The following TRUB2 variants were observed in gnomAD, a reference collection of about 807,000 sequenced individuals.
TRUB2 encodes TruB pseudouridine synthase family member 2, also known as pseudouridylate synthase TRUB2, mitochondrial.
Under a neutral mutation model 31.9 loss-of-function variants are expected in TRUB2, and 31 were observed. The observed-to-expected ratio is 0.97, with a 90% CI of 0.73 to 1.31. TRUB2 has a LOEUF of 1.31. Ranked by LOEUF, TRUB2 falls within the 50% of genes most tolerant of loss-of-function variation. The probability of loss-of-function intolerance (pLI) is 0.00; values close to 1 mark genes in which losing one functional copy is unlikely to be tolerated. For synonymous variants in TRUB2, 201 were observed against 182.6 expected (o/e 1.10, Z -0.81); for missense variants, 451 against 439.6 (o/e 1.03, Z -0.23).
Position 128,322,369 on chromosome 9 carries a change from C to G in TRUB2, c.40G>C (p.Ala14Pro). ...TTTAGCCCCGGGGGCTTATAGACCG[C>G]GAAAAGCCCATGCAGCCGCGACAAG... ...AGLSRLHGLF[A>P]VYKPPGLKWK... The change falls in exon 1 of 8, where the codon GCG becomes CCG. Residue 14 changes from alanine (A) to proline (P), a missense_variant. By Grantham distance (27) the Ala-to-Pro change is conservative (BLOSUM62 -1). Coordinates refer to ENST00000372890, the MANE Select transcript of TRUB2 (RefSeq NM_015679.3). 1 of 1,614,082 alleles carries G rather than the reference C, an allele frequency of 6.2e-7. No homozygotes were observed. The highest frequency in any genetic ancestry group is 8.5e-7 in the Non-Finnish European group (1 of 1,180,032).
chr9:128,322,419 C>G lies in TRUB2; in HGVS notation c.-11G>C. ...GCCAGCAGACCCCATACTTGAAGAT[C>G]ACAGCACCCGCTGGACCTGGACGGA... On this transcript the variant is annotated 5_prime_UTR_variant, in exon 1 of 8. Coordinates refer to ENST00000372890, the MANE Select transcript of TRUB2 (RefSeq NM_015679.3). 4 of 1,613,976 alleles carry G rather than the reference C, an allele frequency of 2.5e-6. No individual in the cohort carries two copies. Among genetic ancestry groups the G allele is most frequent in the Middle Eastern group, 1.7e-4 (1 of 6,054 alleles).
chr9:128,316,011 G>A (rs369983697), intron 3 of TRUB2: 17 of 220,818 alleles, frequency 7.7e-5, no homozygotes, highest in African/African-American at 3.3e-4. Context: ...TAAAATGGGG[G>A]TAAAAATACT....
intron 7 of TRUB2, 138 bp downstream of exon 7, chr9:128,310,749 C>T: frequency 8.2e-7 from 1 of 1,223,030 alleles, no homozygotes; most frequent in Non-Finnish European, 1.1e-6. Flanking sequence ...CACCTGATGC[C>T]TTGGCCCGCA....
chr9:128,314,619 C>G (rs1202030582), intron 4 of TRUB2, among the ~76,000 whole-genome samples: 1 of 152,078 alleles, frequency 6.6e-6, no homozygotes, highest in Admixed American at 6.6e-5. Context: ...TTAGTAGAGA[C>G]AGGTTTTCAC....
chr9:128,311,014 G>A lies in TRUB2; in HGVS notation c.543C>T (p.Asn181=), dbSNP rs878954992. The change falls in exon 7 of 8, where the codon AAC becomes AAT. Residue 181 remains asparagine (N), a synonymous_variant. Coordinates refer to ENST00000372890, the MANE Select transcript of TRUB2 (RefSeq NM_015679.3). ...SHQKALVMYS[N]LDLKTQEAYE... The stretch of plus-strand genomic sequence containing the variant: ...AGGCCTCCTGGGTCTTCAGGTCGAG[G>A]TTGGAGTACCTGCAGATCAGGAAGG... The A allele has an allele frequency of 3.1e-6, 5 of 1,613,938 alleles. No homozygotes were observed. Among genetic ancestry groups the A allele is most frequent in the Non-Finnish European group, 4.2e-6 (5 of 1,179,916 alleles).
chr9:128,318,295 G>A (rs1832101388), intron 2 of TRUB2, among the ~76,000 whole-genome samples: 1 of 152,052 alleles, frequency 6.6e-6, no homozygotes, highest in Non-Finnish European at 1.5e-5. Flanking sequence ...AGTGAGCTGA[G>A]ATCACACCAC....
intron 1 of TRUB2, among the ~76,000 whole-genome samples, chr9:128,322,063 G>A (rs1451216298): frequency 1.3e-5 from 2 of 152,202 alleles, no homozygotes; most frequent in African/African-American, 4.8e-5. Context: ...GAAACAGGCG[G>A]ATTCAAACAG....
chr9:128,314,000 T>C, intron 4 of TRUB2, 111 bp from the exon 5 acceptor site: 2 of 911,562 alleles, frequency 2.2e-6, no homozygotes, highest in Non-Finnish European at 1.7e-6. Context: ...AGGAAGCTCA[T>C]GTGCCCAGCC....
chr9:128,311,642 G>A, intron 5 of TRUB2, 41 bp from the exon 6 acceptor site: 1 of 1,607,334 alleles, frequency 6.2e-7, no homozygotes, highest in South Asian at 1.1e-5. Context: ...GGTACCTGCT[G>A]AGTATTGGTC....
rs767234953 is a variant in TRUB2 at position 128,322,365 on chromosome 9, A to G, written c.44T>C (p.Val15Ala). The stretch of plus-strand genomic sequence containing the variant: ...CCATTTTAGCCCCGGGGGCTTATAG[A>G]CCGCGAAAAGCCCATGCAGCCGCGA... ...GLSRLHGLFA[V>A]YKPPGLKWKH... The change falls in exon 1 of 8, where the codon GTC (valine) becomes GCC (alanine). Residue 15 changes from valine (V) to alanine (A), a missense_variant. Physicochemically the swap from Val to Ala is moderately conservative, Grantham distance 64. Transcript: ENST00000372890. 2.5e-6 allele frequency: 4 copies of G among 1,614,076 alleles called. No individual in the cohort carries two copies. The highest frequency in any genetic ancestry group is 3.4e-6 in the Non-Finnish European group (4 of 1,180,014).
rs1199097274 is a variant in TRUB2, at chr9:128,306,598, C to T, written c.*2952G>A. 1 of 151,898 alleles carries T rather than the reference C, an allele frequency of 6.6e-6. No individual in the cohort carries two copies. The highest frequency in any genetic ancestry group is 1.9e-4 in the East Asian group (1 of 5,174). The allele number at this position is 151,898 out of a possible 1,614,324, so 9.4% of individuals were successfully genotyped here. A position where few individuals can be genotyped will look rare whatever the true frequency, so the allele number is the denominator to read the frequency against. On this transcript the variant is annotated 3_prime_UTR_variant, in exon 8 of 8. Transcript: ENST00000372890. ...AGGACTACAGGCACGTGCAAGCACG[C>T]CCGGCTAATTTTGTATTTTTAGTAG... is the stretch of plus-strand genomic sequence containing the variant.
chr9:128,313,719 G>C (rs1328687232), intron 5 of TRUB2, 89 bp downstream of exon 5: 5 of 1,191,262 alleles, frequency 4.2e-6, no homozygotes, highest in Non-Finnish European at 6.2e-6. Flanking sequence ...CAGTGGAACT[G>C]AGAAGGGGCC....
At chr9:128,313,535 C>CAAAAAAAAAAA (rs563876862) in intron 5 of TRUB2, among the ~76,000 whole-genome samples, 6 of 79,182 alleles carry the variant, frequency 7.6e-5, no homozygotes, top group South Asian at 4.2e-4. Flanking sequence ...GACTCCGTCT[C>CAAAAAAAAAAA]AAAAAAAAAA....
At chr9:128,311,743 G>T in intron 5 of TRUB2, 142 bp from the exon 6 acceptor site, 1 of 787,132 alleles carries the variant, frequency 1.3e-6, no homozygotes, top group Non-Finnish European at 2.1e-6. Context: ...GTGGTTGGGA[G>T]TCCTTTGAGA....
chr9:128,322,430 C>G lies in TRUB2; in HGVS notation c.-22G>C. ...CCATACTTGAAGATCACAGCACCCG[C>G]TGGACCTGGACGGAAGTACCGCCAG... is the stretch of plus-strand genomic sequence containing the variant. On this transcript the variant is annotated 5_prime_UTR_variant, in exon 1 of 8. Transcript: ENST00000372890. 1 of 1,612,740 alleles carries G rather than the reference C, an allele frequency of 6.2e-7. No homozygotes were observed. The highest frequency in any genetic ancestry group is 8.5e-7 in the Non-Finnish European group (1 of 1,178,914).
intron 2 of TRUB2, 99 bp from the exon 3 acceptor site, chr9:128,317,325 A>G: frequency 1.9e-6 from 2 of 1,046,754 alleles, no homozygotes; most frequent in Non-Finnish European, 2.9e-6. Flanking sequence ...GGCCTCATGG[A>G]GCCCAAACTA....
In TRUB2 at chr9:128,314,209, G is replaced by T. The variant is rs1323090879; in HGVS notation, c.379-320C>A. ...CAGCAGGCTTCCTACAAGACTGCTG[G>T]CTGGTTTCCATGACAACCAGCACTG... On this transcript the variant is annotated intron_variant, in intron 4 of 7. Coordinates refer to ENST00000372890, the MANE Select transcript of TRUB2 (RefSeq NM_015679.3). Among the ~76,000 whole-genome samples the T allele has an allele frequency of 2.0e-5, 3 of 152,184 alleles. No individual in the cohort carries two copies. The East Asian group carries it at 5.8e-4, about 29-fold the overall frequency.
chr9:128,314,567 G>A (rs1347590130), intron 4 of TRUB2, among the ~76,000 whole-genome samples: 4 of 151,894 alleles, frequency 2.6e-5, no homozygotes, highest in South Asian at 4.2e-4. Flanking sequence ...GTAGCTGGGA[G>A]GACAGGCATG....
At position 128,307,636 on chromosome 9, in the gene TRUB2, C is replaced by T. The variant is rs1478623918; in HGVS notation, c.*1914G>A. 6.6e-6 allele frequency: 1 copy of T among 151,892 alleles called. No homozygotes were observed. The highest frequency in any genetic ancestry group is 1.5e-5 in the Non-Finnish European group (1 of 68,002). 9.4% of individuals were successfully genotyped at this position (151,892 alleles called of 1,614,324 possible). A position where few individuals can be genotyped will look rare whatever the true frequency, so the allele number is the denominator to read the frequency against. ...ATCCCAGCAACTCTGGAGACTAAGG[C>T]AGGAAGAATCGCTTGACCCAGGAGG... is the stretch of plus-strand genomic sequence containing the variant. On this transcript the variant is annotated 3_prime_UTR_variant, in exon 8 of 8. Transcript: ENST00000372890.
Sources: gnomAD v4.1 joint callset for allele counts (sites outside exome capture counted in the v4.1 genomes callset) on GRCh38, gnomAD v4.1.1 for gene constraint, MANE v1.5 for transcripts, NCBI Gene and HGNC (gene_info 2026-07-23, HGNC 2026-07-21) for gene names.